RSRC1: variants seen among roughly 807,000 people sequenced by gnomAD.
RSRC1 encodes the protein arginine and serine rich coiled-coil 1, also known as serine/Arginine-related protein 53.
A neutral mutation model predicts 49.1 loss-of-function variants in RSRC1; 39 were observed. That is an observed-to-expected ratio of 0.79 (90% confidence interval 0.61 to 1.04). The LOEUF (loss-of-function observed/expected upper bound fraction) is 1.04. RSRC1 is among the 50% of genes least tolerant of loss of function. The pLI is 0.00. For missense variants in RSRC1, 388 were observed against 402.4 expected (o/e 0.96, Z 0.31); for synonymous variants, 143 against 130.8 (o/e 1.09, Z -0.63).
In RSRC1 at chr3:158,487,949, GA is replaced by G. The variant is rs58689210; in HGVS notation, c.652+26971del. Among the ~76,000 whole-genome samples the G allele has an allele frequency of 4.8e-3, 139 of 28,920 alleles. 4 individuals are homozygous for G. Among genetic ancestry groups the G allele is most frequent in the East Asian group, 0.015 (14 of 960 alleles). The allele number at this position is 28,920 out of a possible 152,430, so 19.0% of individuals were successfully genotyped here. A position where few individuals can be genotyped will look rare whatever the true frequency, so the allele number is the denominator to read the frequency against. On this transcript the variant is annotated intron_variant, in intron 7 of 9. Transcript: ENST00000611884. ...TAGGAGACAAGAGACTCCATCTCAA[GA>G]AAAAAAAAAAAAAAAAAAAAAAAAC...
intron 1 of RSRC1, among the ~76,000 whole-genome samples, chr3:158,115,709 G>C (rs558270592): frequency 3.9e-5 from 6 of 152,200 alleles, no homozygotes; most frequent in African/African-American, 1.4e-4. Flanking sequence ...TGGTTTAATA[G>C]AAGATGGCTG....
At chr3:158,158,888 G>T (rs1483352853) in intron 3 of RSRC1, among the ~76,000 whole-genome samples, 2 of 150,246 alleles carry the variant, frequency 1.3e-5, no homozygotes, top group Non-Finnish European at 2.9e-5. Flanking sequence ...GCAGTAAGCC[G>T]TGATCGTACC....
At chr3:158,383,892 G>T (rs1732835506) in intron 6 of RSRC1, among the ~76,000 whole-genome samples, 1 of 151,724 alleles carries the variant, frequency 6.6e-6, no homozygotes, top group African/African-American at 2.4e-5. Context: ...CACATACATG[G>T]GATATGCCTT....
chr3:158,374,905 G>A (rs1732274054), intron 6 of RSRC1, among the ~76,000 whole-genome samples: 1 of 151,956 alleles, frequency 6.6e-6, no homozygotes, highest in South Asian at 2.1e-4. Context: ...GACAGTAGTA[G>A]ATTCCATTTA....
At chr3:158,229,019 T>C (rs1393593992) in intron 4 of RSRC1, among the ~76,000 whole-genome samples, 4 of 103,544 alleles carry the variant, frequency 3.9e-5, no homozygotes, top group African/African-American at 3.6e-5. Context: ...TAAACACACA[T>C]ACGTGTATAT....
intron 3 of RSRC1, among the ~76,000 whole-genome samples, chr3:158,163,555 A>G (rs1298818311): frequency 6.6e-6 from 1 of 152,048 alleles, no homozygotes; most frequent in Non-Finnish European, 1.5e-5. Context: ...TTTTGTTATA[A>G]CAGTACAGCT....
chr3:158,503,640 G>C (rs1739714745), intron 7 of RSRC1, among the ~76,000 whole-genome samples: 2 of 152,116 alleles, frequency 1.3e-5, no homozygotes, highest in Non-Finnish European at 2.9e-5. Flanking sequence ...TGCCTCTGCT[G>C]AGTCATGCAG....
At position 158,544,836 on chromosome 3, in the gene RSRC1, G is replaced by T. The variant is rs1560082167; in HGVS notation, c.*561G>T. 6.6e-6 allele frequency: 1 copy of T among 152,218 alleles called. No homozygotes were observed. Among genetic ancestry groups the T allele is most frequent in the Non-Finnish European group, 1.5e-5 (1 of 68,060 alleles). The allele number at this position is 152,218 out of a possible 1,614,324, so 9.4% of individuals were successfully genotyped here. ...AATTGGTGATTTTGCTTAGAGATCA[G>T]CTTCTACTAGATGCTCCTTTACAAC... On this transcript the variant is annotated 3_prime_UTR_variant, in exon 10 of 10. Coordinates refer to ENST00000611884, the MANE Select transcript of RSRC1 (RefSeq NM_001271838.2).
chr3:158,268,434 G>T (rs1429148477), intron 4 of RSRC1, among the ~76,000 whole-genome samples: 1 of 152,080 alleles, frequency 6.6e-6, no homozygotes, highest in African/African-American at 2.4e-5. Flanking sequence ...CTTCCTGCCT[G>T]CATTTCCGTT....
intron 7 of RSRC1, among the ~76,000 whole-genome samples, chr3:158,527,891 G>A (rs973207433): frequency 1.3e-5 from 2 of 151,782 alleles, no homozygotes; most frequent in Non-Finnish European, 2.9e-5. Flanking sequence ...TTTTTATCAT[G>A]AGAAATCATA....
chr3:158,338,196 A>G (rs909783236), intron 5 of RSRC1, among the ~76,000 whole-genome samples: 22 of 143,214 alleles, frequency 1.5e-4, no homozygotes, highest in Admixed American at 6.5e-4. Flanking sequence ...AAAGACAGCT[A>G]TTATATAACT....
intron 5 of RSRC1, among the ~76,000 whole-genome samples, chr3:158,324,845 T>C (rs989008976): frequency 3.3e-5 from 5 of 152,142 alleles, no homozygotes; most frequent in East Asian, 1.9e-4. Context: ...TACAGTCCCA[T>C]CAACAGTGTA....
chr3:158,302,185 CA>C (rs1259452380), intron 5 of RSRC1, among the ~76,000 whole-genome samples: 1 of 151,878 alleles, frequency 6.6e-6, no homozygotes, highest in East Asian at 1.9e-4. Context: ...TAGATGCTGG[CA>C]GAAGATATGA....
At chr3:158,282,736 G>A (rs866949749) in intron 4 of RSRC1, among the ~76,000 whole-genome samples, 1 of 152,182 alleles carries the variant, frequency 6.6e-6, no homozygotes, top group Non-Finnish European at 1.5e-5. Context: ...TTGAGAAGAA[G>A]AGAATCTTGT....
At chr3:158,169,392 A>G (rs759368432) in intron 3 of RSRC1, among the ~76,000 whole-genome samples, 17 of 152,140 alleles carry the variant, frequency 1.1e-4, no homozygotes, top group Non-Finnish European at 2.1e-4. Flanking sequence ...CTCATTCAGC[A>G]TAAATCCCTA....
intron 7 of RSRC1, among the ~76,000 whole-genome samples, chr3:158,474,141 A>T (rs1738268209): frequency 6.6e-6 from 1 of 152,148 alleles, no homozygotes; most frequent in Non-Finnish European, 1.5e-5. Context: ...TGAATTTGAT[A>T]ATGAAGCCAA....
chr3:158,129,288 C>CTTTTTTTTTTTTTTTT (rs71144439), intron 3 of RSRC1, among the ~76,000 whole-genome samples: 1 of 71,082 alleles, frequency 1.4e-5, no homozygotes, highest in Non-Finnish European at 2.5e-5. Flanking sequence ...TTCTTTCTTT[C>CTTTTTTTTTTTTTTTT]TTTTTTTTTT....
At chr3:158,193,467 C>A (rs1281341555) in intron 3 of RSRC1, among the ~76,000 whole-genome samples, 1 of 151,990 alleles carries the variant, frequency 6.6e-6, no homozygotes, top group Non-Finnish European at 1.5e-5. Flanking sequence ...TAAACTAACT[C>A]ACCTGTCTTT....
intron 6 of RSRC1, among the ~76,000 whole-genome samples, chr3:158,413,629 A>G (rs965398670): frequency 1.8e-4 from 26 of 141,522 alleles, no homozygotes; most frequent in African/African-American, 6.4e-4. Flanking sequence ...CAAGAAACGT[A>G]AACAAAATTA....
Sources: gnomAD v4.1 joint callset for allele counts (sites outside exome capture counted in the v4.1 genomes callset) on GRCh38, gnomAD v4.1.1 for gene constraint, MANE v1.5 for transcripts, NCBI Gene and HGNC (gene_info 2026-07-23, HGNC 2026-07-21) for gene names.